The following SHISA9 variants were observed in gnomAD, a reference collection of about 807,000 sequenced individuals.
SHISA9 encodes protein shisa-9.
SHISA9 carries 13 observed loss-of-function variants against 38.0 expected under a neutral mutation model. The observed-to-expected ratio is 0.34, with a 90% CI of 0.22 to 0.54. The LOEUF (loss-of-function observed/expected upper bound fraction) is 0.54, where lower values mean the gene tolerates loss of function less well. Ranked by LOEUF, SHISA9 falls within the 20% of genes least tolerant of loss-of-function variation. The probability of loss-of-function intolerance (pLI) is 0.91; values close to 1 mark genes in which losing one functional copy is unlikely to be tolerated. For missense variants in SHISA9, 538 were observed against 575.8 expected, an observed-to-expected ratio of 0.93 and a Z score of 0.67; for synonymous variants, 275 against 242.0, an observed-to-expected ratio of 1.14 and a Z score of -1.27.
At chr16:12,906,745 G>A (rs2071100164) in intron 1 of SHISA9, among the ~76,000 whole-genome samples, 1 of 152,140 alleles carries the variant, frequency 6.6e-6, no homozygotes, top group Admixed American at 6.5e-5. Flanking sequence ...TTATCTAGAT[G>A]AGGATTTCTC....
the SHISA9 span, among the ~76,000 whole-genome samples, chr16:13,551,155 G>C: frequency 6.7e-6 from 1 of 149,992 alleles, no homozygotes; most frequent in African/African-American, 2.4e-5. Flanking sequence ...TGGGCACAAA[G>C]ATAAAAATCC....
chr16:13,492,454 T>G, the SHISA9 span, among the ~76,000 whole-genome samples: 2 of 152,228 alleles, frequency 1.3e-5, no homozygotes, highest in Non-Finnish European at 2.9e-5. Flanking sequence ...AACAAATGGG[T>G]GTTCTTGGCA....
chr16:12,922,593 C>T (rs2071341633), intron 2 of SHISA9, among the ~76,000 whole-genome samples: 1 of 152,270 alleles, frequency 6.6e-6, no homozygotes, highest in Non-Finnish European at 1.5e-5. Flanking sequence ...GATCTTGGCT[C>T]ATTGCGACCC....
chr16:13,062,727 G>T (rs2073390280), intron 2 of SHISA9, among the ~76,000 whole-genome samples: 1 of 152,086 alleles, frequency 6.6e-6, no homozygotes. Context: ...TACTGATTTT[G>T]CATTTATTTA....
intron 2 of SHISA9, among the ~76,000 whole-genome samples, chr16:13,097,691 A>G (rs2073841404): frequency 6.6e-6 from 1 of 152,170 alleles, no homozygotes. Flanking sequence ...GGTGGGAGTC[A>G]CCATGCCTGG....
chr16:13,387,571 C>T, the SHISA9 span, among the ~76,000 whole-genome samples: 2 of 151,858 alleles, frequency 1.3e-5, no homozygotes, highest in African/African-American at 4.8e-5. Flanking sequence ...CTCACTGCAA[C>T]CCTCGCCTCC....
In SHISA9 at chr16:13,136,807, T is replaced by A. The variant is rs140936227; in HGVS notation, c.692-66587T>A. On this transcript the variant is annotated intron_variant, in intron 2 of 4. Coordinates refer to ENST00000558583, the MANE Select transcript of SHISA9 (RefSeq NM_001145204.3). ...ATGTGGAAAAATTACGGCAGCCTTT[T>A]GTTCCCTCCTATGCCCAGTAAAATT... is the stretch of plus-strand genomic sequence containing the variant. Among the ~76,000 whole-genome samples the A allele has an allele frequency of 3.5e-3, 528 of 152,330 alleles. 3 individuals are homozygous for A. The highest frequency in any genetic ancestry group is 0.012 in the African/African-American group (510 of 41,582).
At chr16:13,497,470 G>A in the SHISA9 span, among the ~76,000 whole-genome samples, 1 of 152,044 alleles carries the variant, frequency 6.6e-6, no homozygotes, top group Non-Finnish European at 1.5e-5. Flanking sequence ...AGGATCACGA[G>A]GTCAGGAGTT....
intron 2 of SHISA9, among the ~76,000 whole-genome samples, chr16:13,165,819 TAA>T (rs761792206): frequency 1.2e-4 from 19 of 152,176 alleles, no homozygotes; most frequent in Non-Finnish European, 1.8e-4. Flanking sequence ...ATCGAGCACT[TAA>T]AAATGTTAAT....
At chr16:13,318,334 T>G in the SHISA9 span, among the ~76,000 whole-genome samples, 2 of 151,014 alleles carry the variant, frequency 1.3e-5, no homozygotes, top group Non-Finnish European at 3.0e-5. Context: ...TTTTTTTTTT[T>G]CTTTTTGAGA....
chr16:13,373,501 G>A, the SHISA9 span, among the ~76,000 whole-genome samples: 1 of 152,166 alleles, frequency 6.6e-6, no homozygotes, highest in Non-Finnish European at 1.5e-5. Flanking sequence ...GGTGGCTCAC[G>A]CCTGTAATCC....
the SHISA9 span, among the ~76,000 whole-genome samples, chr16:13,388,692 A>G: frequency 1.3e-5 from 2 of 152,070 alleles, no homozygotes; most frequent in African/African-American, 4.8e-5. Context: ...AGCCTTTCTG[A>G]GCCTAAGTCT....
rs754558046 is a variant in SHISA9 at position 13,203,434 on chromosome 16, G to C, written c.732G>C (p.Leu244=). ...QMNNAVPTSP[L]LQQMGHPHSY... is the part of the protein sequence containing the mutation. ...ACAACGCAGTGCCCACCTCTCCTCT[G>C]CTCCAGCAGATGGGCCATCCACATT... The change falls in exon 3 of 5, where the codon CTG becomes CTC. Residue 244 remains leucine, a synonymous_variant. Transcript: ENST00000558583. 630 of 1,549,890 alleles carry C rather than the reference G, an allele frequency of 4.1e-4. No homozygotes were observed. Among genetic ancestry groups the C allele is most frequent in the Non-Finnish European group, 5.2e-4 (595 of 1,146,212 alleles).
chr16:13,517,013 C>A, the SHISA9 span, among the ~76,000 whole-genome samples: 1 of 152,108 alleles, frequency 6.6e-6, no homozygotes, highest in South Asian at 2.1e-4. Flanking sequence ...ATGTTATCCC[C>A]CACATAGTCA....
the SHISA9 span, among the ~76,000 whole-genome samples, chr16:13,270,930 G>A: frequency 2.7e-3 from 418 of 152,264 alleles, 2 homozygotes; most frequent in Non-Finnish European, 4.9e-3. Context: ...TTGAGCCATG[G>A]AAGGTAGCAT....
At chr16:13,368,827 A>G in the SHISA9 span, among the ~76,000 whole-genome samples, 1 of 152,194 alleles carries the variant, frequency 6.6e-6, no homozygotes, top group African/African-American at 2.4e-5. Flanking sequence ...GAAGGAAATT[A>G]AATTTTACTA....
chr16:13,402,686 A>G, the SHISA9 span, among the ~76,000 whole-genome samples: 1 of 151,840 alleles, frequency 6.6e-6, no homozygotes, highest in Non-Finnish European at 1.5e-5. Context: ...TATTTTTTGT[A>G]TTTTTAGTAG....
At chr16:13,075,430 C>T (rs185078198) in intron 2 of SHISA9, among the ~76,000 whole-genome samples, 6 of 152,220 alleles carry the variant, frequency 3.9e-5, no homozygotes, top group South Asian at 4.2e-4. Flanking sequence ...GCCTTGAACC[C>T]GTGGGAGGGT....
chr16:13,525,477 G>C, the SHISA9 span, among the ~76,000 whole-genome samples: 74 of 152,262 alleles, frequency 4.9e-4, no homozygotes, highest in Non-Finnish European at 8.5e-4. Context: ...CTATGAAATA[G>C]AGCTAAGAAC....
Sources: allele counts gnomAD v4.1 joint callset (sites outside exome capture counted in the v4.1 genomes callset), GRCh38; gene constraint gnomAD v4.1.1; transcripts MANE v1.5; gene names NCBI Gene and HGNC (gene_info 2026-07-23, HGNC 2026-07-21).